GREB1: variants seen among roughly 807,000 people sequenced by gnomAD.
GREB1 encodes the protein protein GREB1.
In GREB1, 106 loss-of-function variants were observed where a neutral mutation model predicts 200.7. The ratio of observed to expected loss-of-function variants is 0.53; its 90% CI spans 0.45 to 0.62. The LOEUF (loss-of-function observed/expected upper bound fraction) is 0.62. Ranked by LOEUF, GREB1 falls within the 20% of genes least tolerant of loss-of-function variation. The probability of loss-of-function intolerance (pLI) is 0.00; values close to 1 mark genes in which losing one functional copy is unlikely to be tolerated. For missense variants in GREB1, 2,243 were observed against 2,556.8 expected, an observed-to-expected ratio of 0.88 and a Z score of 2.65; for synonymous variants, 1,132 against 1,092.4, an observed-to-expected ratio of 1.04 and a Z score of -0.72.
Position 11,640,287 on chromosome 2 carries a change from G to T in GREB1, c.5687-4G>T. Reference sequence around the variant, plus strand: ...TTCCCACACCTCTGCCGTTGTCCACGCAGGTGCGACGTTGTGTGTCATCTG... The same window carrying T: ...TTCCCACACCTCTGCCGTTGTCCACTCAGGTGCGACGTTGTGTGTCATCTG... On this transcript the variant is annotated splice_region_variant and splice_polypyrimidine_tract_variant and intron_variant, in intron 32 of 32. Coordinates refer to ENST00000381486, the MANE Select transcript of GREB1 (RefSeq NM_014668.4). The surrounding 1 kb of genome is among the most constrained non-coding windows in gnomAD (Gnocchi z 4.6). 8.1e-6 allele frequency: 13 copies of T among 1,607,658 alleles called. No individual in the cohort carries two copies. Among genetic ancestry groups the T allele is most frequent in the Non-Finnish European group, 1.1e-5 (13 of 1,176,352 alleles).
intron 1 of GREB1, among the ~76,000 whole-genome samples, chr2:11,509,785 C>T (rs987359754): frequency 3.3e-5 from 5 of 152,178 alleles, no homozygotes; most frequent in South Asian, 2.1e-4. Context: ...GAAGCAGAGA[C>T]GGAGCCCTCA....
At chr2:11,524,978 T>C (rs1558501188) in intron 1 of GREB1, among the ~76,000 whole-genome samples, 3 of 152,152 alleles carry the variant, frequency 2.0e-5, no homozygotes, top group Non-Finnish European at 2.9e-5. Context: ...TGTTTCTCTC[T>C]TCTGGTTTGG....
chr2:11,585,256 G>A lies in GREB1; in HGVS notation c.997G>A (p.Gly333Arg). 7 of 1,561,330 alleles carry A rather than the reference G, an allele frequency of 4.5e-6. No homozygotes were observed. Among genetic ancestry groups the A allele is most frequent in the Middle Eastern group, 1.7e-4 (1 of 5,834 alleles). Residue 333 changes from glycine (G) to arginine (R), a missense_variant, in exon 8 of 33, where the codon GGG becomes AGG. Gly to Arg is a moderately radical substitution (Grantham distance 125). Coordinates refer to ENST00000381486, the MANE Select transcript of GREB1 (RefSeq NM_014668.4). ...AGATGGTGGCTGCCCCCAAGGTGGT[G>A]GGAACAGAGCTAAGTATGGTAAGTG... is the stretch of plus-strand genomic sequence containing the variant. Reference protein sequence around the residue: ...APDGGCPQGGGNRAKYESAGM... With the variant: ...APDGGCPQGGRNRAKYESAGM...
rs60231852 is a variant in GREB1, at chr2:11,566,019, T to TTATATATATATA, written c.278-455_278-444dup. On this transcript the variant is annotated intron_variant, in intron 3 of 32. Transcript: ENST00000381486. ...TGATCTGTGTCGTGGATAACTATGA[T>TTATATATATATA]TATATATATATATATATGAGATGGA... Among the ~76,000 whole-genome samples, 620 of 149,076 alleles carry TTATATATATATA rather than the reference T, an allele frequency of 4.2e-3. 3 individuals are homozygous for TTATATATATATA. Among genetic ancestry groups the TTATATATATATA allele is most frequent in the African/African-American group, 0.014 (575 of 40,416 alleles).
At chr2:11,514,088 G>A (rs1398176356) in intron 1 of GREB1, among the ~76,000 whole-genome samples, 1 of 152,196 alleles carries the variant, frequency 6.6e-6, no homozygotes, top group Admixed American at 6.5e-5. Flanking sequence ...TTGACTGGGA[G>A]ACTGGACCAG....
intron 1 of GREB1, among the ~76,000 whole-genome samples, chr2:11,500,927 A>G (rs1673020812): frequency 6.6e-6 from 1 of 152,208 alleles, no homozygotes; most frequent in East Asian, 1.9e-4. Flanking sequence ...GTTGGGTTAA[A>G]TGAGATATGA....
intron 3 of GREB1, among the ~76,000 whole-genome samples, chr2:11,564,594 T>C (rs1677428015): frequency 6.6e-6 from 1 of 152,224 alleles, no homozygotes; most frequent in Non-Finnish European, 1.5e-5. Context: ...CAGTAAACAC[T>C]GTGACTACTC....
chr2:11,488,777 G>A lies in GREB1; in HGVS notation c.-159+6396G>A, dbSNP rs138203717. Among the ~76,000 whole-genome samples, 646 of 111,094 alleles carry A rather than the reference G, an allele frequency of 5.8e-3. 9 individuals are homozygous for A. The highest frequency in any genetic ancestry group is 0.02 in the African/African-American group (607 of 29,632). 72.9% of individuals were successfully genotyped at this position (111,094 alleles called of 152,430 possible). A position where few individuals can be genotyped will look rare whatever the true frequency, so the allele number is the denominator to read the frequency against. On this transcript the variant is annotated intron_variant, in intron 1 of 2. Transcript: ENST00000628795. ...TTGTACTCCATCCTGGGCAACAAGAGTGAAACTCCGTCTCAAAAAAAAAAA... is the reference window on the plus strand; with the variant it reads ...TTGTACTCCATCCTGGGCAACAAGAATGAAACTCCGTCTCAAAAAAAAAAA...
chr2:11,610,552 C>T (rs1682823786), intron 17 of GREB1, 136 bp from the exon 18 acceptor site: 1 of 651,574 alleles, frequency 1.5e-6, no homozygotes. Flanking sequence ...TTCCCACAAC[C>T]ACCTTCCAGA....
intron 17 of GREB1, among the ~76,000 whole-genome samples, chr2:11,606,758 CATTATTATT>C (rs3035992): frequency 8.4e-4 from 121 of 143,354 alleles, no homozygotes; most frequent in South Asian, 4.9e-3. Flanking sequence ...ATTTTAGTTT[CATTATTATT>C]ATTATTATTA....
intron 1 of GREB1, among the ~76,000 whole-genome samples, chr2:11,552,728 T>C (rs1476991633): frequency 6.6e-6 from 1 of 151,712 alleles, no homozygotes; most frequent in African/African-American, 2.4e-5. Context: ...AGAGCCGCAG[T>C]TGGCCGGGCG....
intron 1 of GREB1, among the ~76,000 whole-genome samples, chr2:11,543,566 T>C (rs1417111210): frequency 6.6e-6 from 1 of 152,198 alleles, no homozygotes; most frequent in African/African-American, 2.4e-5. Context: ...ATCAAGCCCC[T>C]GGTGGTCTTA....
chr2:11,618,910 C>T lies in GREB1; in HGVS notation c.4035C>T (p.Gly1345=), dbSNP rs780238422. 55 of 1,521,348 alleles carry T rather than the reference C, an allele frequency of 3.6e-5. No homozygotes were observed. The highest frequency in any genetic ancestry group is 5.1e-5 in the South Asian group (4 of 78,076). 94.2% of individuals were successfully genotyped at this position (1,521,348 alleles called of 1,614,324 possible). The change falls in exon 22 of 33, where the codon GGC becomes GGT. Residue 1345 remains glycine, a synonymous_variant. Coordinates refer to ENST00000381486, the MANE Select transcript of GREB1 (RefSeq NM_014668.4). The part of the protein sequence containing the change: ...GFHPRRLLLS[G]PPQIGKTGAY... ...ACCCCCGCAGGCTGCTGCTCAGCGGCCCCCCTCAGGTGAGTGTTGCTCGCT... is the reference window on the plus strand; with the variant it reads ...ACCCCCGCAGGCTGCTGCTCAGCGGTCCCCCTCAGGTGAGTGTTGCTCGCT...
rs895692346 is a variant in GREB1, at chr2:11,624,875, C to T, written c.4148-279C>T. ...AGTGTTAGTGTATTTTATGTGTGGC[C>T]CAAGACAATTCTTCCAATGTGGCCC... On this transcript the variant is annotated intron_variant, in intron 23 of 32. Transcript: ENST00000381486. 3.3e-5 allele frequency among the ~76,000 whole-genome samples: 5 copies of T among 151,848 alleles called. No individual in the cohort carries two copies. The South Asian group carries it at 1.0e-3, about 32-fold the overall frequency.
upstream of GREB1, among the ~76,000 whole-genome samples, chr2:11,533,359 A>G (rs1234780959): frequency 6.6e-6 from 1 of 152,218 alleles, no homozygotes; most frequent in African/African-American, 2.4e-5. Flanking sequence ...CTACTACATT[A>G]TCTCATTTAA....
chr2:11,491,042 C>T (rs907290509), intron 1 of GREB1, among the ~76,000 whole-genome samples: 1 of 152,176 alleles, frequency 6.6e-6, no homozygotes, highest in Non-Finnish European at 1.5e-5. Context: ...TCCTTGTGCA[C>T]AGCTGTTACT....
intron 1 of GREB1, among the ~76,000 whole-genome samples, chr2:11,543,896 G>A (rs898476530): frequency 2.0e-5 from 3 of 152,164 alleles, no homozygotes; most frequent in Admixed American, 2.0e-4. Flanking sequence ...GTCTGTGAAT[G>A]GACCGGGGAG....
intron 1 of GREB1, among the ~76,000 whole-genome samples, chr2:11,513,818 T>C (rs1202413785): frequency 6.6e-6 from 1 of 152,160 alleles, no homozygotes; most frequent in Non-Finnish European, 1.5e-5. Context: ...CCTGGCTTGG[T>C]AGGATGCACT....
intron 5 of GREB1, among the ~76,000 whole-genome samples, chr2:11,576,756 C>G (rs569303220): frequency 7.2e-4 from 110 of 152,332 alleles, no homozygotes; most frequent in Non-Finnish European, 1.1e-3. Context: ...CGACAGAGGG[C>G]CAGTTGTGGT....
Sources: gnomAD v4.1 joint callset for allele counts (sites outside exome capture counted in the v4.1 genomes callset) on GRCh38, gnomAD v4.1.1 for gene constraint, Gnocchi (gnomAD v3.1) non-coding constraint, MANE v1.5 for transcripts, NCBI Gene and HGNC (gene_info 2026-07-23, HGNC 2026-07-21) for gene names.